Variants in OLFM3 observed in about 807,000 individuals in gnomAD.
OLFM3 encodes noelin-3.
OLFM3 carries 20 observed loss-of-function variants against 48.6 expected under a neutral mutation model. The ratio of observed to expected loss-of-function variants is 0.41; its 90% CI spans 0.29 to 0.60. The LOEUF is 0.60. Ranked by LOEUF, OLFM3 falls within the 20% of genes least tolerant of loss-of-function variation. The pLI is 0.28. For synonymous variants in OLFM3, 222 were observed against 198.1 expected, an observed-to-expected ratio of 1.12 and a Z score of -1.01; for missense variants, 437 against 544.3, an observed-to-expected ratio of 0.80 and a Z score of 1.96.
chr1:101,831,054 A>T (rs1224743090), intron 2 of OLFM3, among the ~76,000 whole-genome samples: 1 of 152,256 alleles, frequency 6.6e-6, no homozygotes, highest in African/African-American at 2.4e-5. Context: ...GCATTCTAGC[A>T]TTAGAACTGA....
At chr1:101,959,924 A>C (rs1008874228) in intron 1 of OLFM3, among the ~76,000 whole-genome samples, 5 of 152,210 alleles carry the variant, frequency 3.3e-5, no homozygotes, top group Admixed American at 6.5e-5. Flanking sequence ...CCTAATTATC[A>C]GAAAATAATC....
chr1:101,825,851 A>T (rs1313571033), intron 3 of OLFM3, among the ~76,000 whole-genome samples: 1 of 152,216 alleles, frequency 6.6e-6, no homozygotes, highest in Non-Finnish European at 1.5e-5. Context: ...TATCAATTTT[A>T]GCACAACTTC....
chr1:101,925,259 T>G (rs1301067637), intron 1 of OLFM3, among the ~76,000 whole-genome samples: 1 of 151,926 alleles, frequency 6.6e-6, no homozygotes, highest in African/African-American at 2.4e-5. Context: ...TTTGTCTTTT[T>G]TTTTTCTATA....
intron 1 of OLFM3, among the ~76,000 whole-genome samples, chr1:101,991,010 AAAAAAAATATAT>A (rs1661386749): frequency 1.1e-5 from 1 of 89,106 alleles, no homozygotes; most frequent in Non-Finnish European, 2.3e-5. Context: ...AAAAAAAAAA[AAAAAAAATATAT>A]ATATATATAT....
chr1:101,971,059 A>G (rs985777914), intron 1 of OLFM3, among the ~76,000 whole-genome samples: 2 of 152,186 alleles, frequency 1.3e-5, no homozygotes, highest in African/African-American at 4.8e-5. Context: ...TGTTTTGATG[A>G]CTTTTGAGTG....
chr1:101,895,947 C>A (rs1464614587), intron 1 of OLFM3, among the ~76,000 whole-genome samples: 1 of 147,546 alleles, frequency 6.8e-6, no homozygotes, highest in Non-Finnish European at 1.5e-5. Flanking sequence ...CAAGAGTTAC[C>A]AAATAATCCA....
intron 1 of OLFM3, among the ~76,000 whole-genome samples, chr1:101,888,699 C>T (rs1483629133): frequency 2.0e-5 from 3 of 152,260 alleles, no homozygotes; most frequent in Admixed American, 1.3e-4. Flanking sequence ...AAACTACCAT[C>T]AGAGTGAACA....
chr1:101,929,714 A>C (rs139603428), intron 1 of OLFM3, among the ~76,000 whole-genome samples: 1 of 152,104 alleles, frequency 6.6e-6, no homozygotes, highest in Non-Finnish European at 1.5e-5. Context: ...AAATAAATTA[A>C]ATTTATTTGA....
At chr1:101,996,634 G>C in intron 1 of OLFM3, 114 bp downstream of exon 1, 1 of 1,028,602 alleles carries the variant, frequency 9.7e-7, no homozygotes, top group South Asian at 1.4e-5. Flanking sequence ...GACACCATAA[G>C]GTAGCTGAAA....
At chr1:101,848,505 G>C (rs1043226155) in intron 1 of OLFM3, among the ~76,000 whole-genome samples, 1 of 113,460 alleles carries the variant, frequency 8.8e-6, no homozygotes. Context: ...TAGAATCCAG[G>C]CCATTTTTTT....
intron 1 of OLFM3, among the ~76,000 whole-genome samples, chr1:101,853,342 C>G (rs551414354): frequency 1.3e-5 from 2 of 151,992 alleles, no homozygotes; most frequent in African/African-American, 2.4e-5. Flanking sequence ...TCCTTCCTCC[C>G]AAGATCATCT....
intron 1 of OLFM3, among the ~76,000 whole-genome samples, chr1:101,958,504 A>T (rs1476659827): frequency 2.0e-5 from 3 of 152,076 alleles, no homozygotes; most frequent in Non-Finnish European, 4.4e-5. Flanking sequence ...TGTCTACAAT[A>T]CCACATTGTA....
chr1:101,980,050 C>T (rs1169662340), intron 1 of OLFM3, among the ~76,000 whole-genome samples: 4 of 151,864 alleles, frequency 2.6e-5, no homozygotes, highest in Non-Finnish European at 1.5e-5. Context: ...GCCTGTAGGC[C>T]CATTGTTTGG....
At chr1:101,912,617 C>T (rs912365852) in intron 1 of OLFM3, among the ~76,000 whole-genome samples, 5 of 152,190 alleles carry the variant, frequency 3.3e-5, no homozygotes, top group Admixed American at 6.5e-5. Context: ...GAGAAAGCTG[C>T]AGAGACGCCT....
intron 1 of OLFM3, among the ~76,000 whole-genome samples, chr1:101,907,149 A>AT (rs753799823): frequency 6.6e-5 from 10 of 152,118 alleles, no homozygotes; most frequent in African/African-American, 2.2e-4. Flanking sequence ...AGATTTTAGC[A>AT]TTTTTTTGCC....
At chr1:101,890,029 T>C (rs1444675576) in intron 1 of OLFM3, among the ~76,000 whole-genome samples, 3 of 152,116 alleles carry the variant, frequency 2.0e-5, no homozygotes, top group Non-Finnish European at 4.4e-5. Flanking sequence ...ATTAAGTAAA[T>C]CAGGTTGAAG....
chr1:101,829,923 C>T (rs1471436242), intron 3 of OLFM3, among the ~76,000 whole-genome samples: 1 of 152,050 alleles, frequency 6.6e-6, no homozygotes, highest in Admixed American at 6.5e-5. Context: ...CAAGCTCCGC[C>T]TCCCAGGTTC....
chr1:101,922,416 TGATCTCATTATTATAA>T (rs1237253830), intron 1 of OLFM3, among the ~76,000 whole-genome samples: 1 of 152,144 alleles, frequency 6.6e-6, no homozygotes, highest in Non-Finnish European at 1.5e-5. Flanking sequence ...TACATACAGC[TGATCTCATTATTATAA>T]GGACTGGAGA....
intron 1 of OLFM3, among the ~76,000 whole-genome samples, chr1:101,849,104 T>A (rs146543188): frequency 1.0e-3 from 158 of 152,332 alleles, no homozygotes; most frequent in Middle Eastern, 3.4e-3. Flanking sequence ...TTCGGCGATG[T>A]TTATGAACAA....
Sources: allele counts gnomAD v4.1 joint callset (sites outside exome capture counted in the v4.1 genomes callset), GRCh38; gene constraint gnomAD v4.1.1; transcripts MANE v1.5; gene names NCBI Gene and HGNC (gene_info 2026-07-23, HGNC 2026-07-21).